Variants in TESK2 observed in about 807,000 individuals in gnomAD.
TESK2 encodes the protein dual specificity testis-specific protein kinase 2.
TESK2 carries 39 observed loss-of-function variants against 57.1 expected under a neutral mutation model. That is an observed-to-expected ratio of 0.68 (90% CI 0.53 to 0.89). The LOEUF is 0.89. TESK2 is among the 40% of genes least tolerant of loss of function. The pLI, the probability that TESK2 is intolerant of heterozygous loss-of-function variation, is 0.00. For missense variants in TESK2, 646 were observed against 732.1 expected, an observed-to-expected ratio of 0.88 and a Z score of 1.36; for synonymous variants, 249 against 267.9, an observed-to-expected ratio of 0.93 and a Z score of 0.69.
At chr1:45,365,743 A>G (rs1647887540) in intron 4 of TESK2, among the ~76,000 whole-genome samples, 2 of 145,584 alleles carry the variant, frequency 1.4e-5, no homozygotes, top group East Asian at 4.0e-4. Flanking sequence ...CAGTGGCGTA[A>G]TCTCAGCTCA....
intron 1 of TESK2, among the ~76,000 whole-genome samples, chr1:45,487,330 C>T (rs549084358): frequency 1.3e-5 from 2 of 152,254 alleles, no homozygotes; most frequent in African/African-American, 4.8e-5. Context: ...CAACAAGTGC[C>T]AAGGAACCAC....
rs74227008 is a variant in TESK2 at position 45,380,203 on chromosome 1, T to C, written c.393+5709A>G. Among the ~76,000 whole-genome samples the C allele has an allele frequency of 6.2e-4, 95 of 152,306 alleles. No individual in the cohort carries two copies. The East Asian group carries it at 0.013, about 22-fold the overall frequency. ...GCATGAGCCACTGCACCTGGCTGGA[T>C]AGTTTTCTTCATGGCAGAAAAGGCA... On this transcript the variant is annotated intron_variant, in intron 4 of 10. Transcript: ENST00000372086.
In TESK2 at chr1:45,442,287, A is replaced by T. The variant is rs570016276; in HGVS notation, c.222+15277T>A. On this transcript the variant is annotated intron_variant, in intron 2 of 10. Coordinates refer to ENST00000372086, the MANE Select transcript of TESK2 (RefSeq NM_007170.3). ...TTTTATGGTATGTGAATTATTTCTCACTAAAGCTTTTTTTTTTTTAAATTT... is the reference window on the plus strand; with the variant it reads ...TTTTATGGTATGTGAATTATTTCTCTCTAAAGCTTTTTTTTTTTTAAATTT... 2.9e-4 allele frequency among the ~76,000 whole-genome samples: 44 copies of T among 150,106 alleles called. No homozygotes were observed. The South Asian group carries it at 8.6e-3, about 29-fold the overall frequency.
intron 4 of TESK2, among the ~76,000 whole-genome samples, chr1:45,369,932 C>G (rs554005116): frequency 2.0e-5 from 3 of 152,074 alleles, no homozygotes; most frequent in Non-Finnish European, 4.4e-5. Flanking sequence ...AGGCTGGTCT[C>G]GAACTCCTGA....
chr1:45,382,125 A>G (rs1570670789), intron 4 of TESK2, among the ~76,000 whole-genome samples: 1 of 151,684 alleles, frequency 6.6e-6, no homozygotes, highest in South Asian at 2.1e-4. Flanking sequence ...TTCTGCCTCT[A>G]CCTCCTAAAA....
intron 1 of TESK2, among the ~76,000 whole-genome samples, chr1:45,472,279 C>T (rs546418464): frequency 2.7e-5 from 4 of 146,786 alleles, no homozygotes; most frequent in South Asian, 2.2e-4. Flanking sequence ...TGTTCAAGTC[C>T]GGGCACCGTG....
At chr1:45,441,948 GTTTTT>G (rs1476347499) in intron 2 of TESK2, among the ~76,000 whole-genome samples, 1 of 151,696 alleles carries the variant, frequency 6.6e-6, no homozygotes, top group East Asian at 1.9e-4. Context: ...GTTTTGTTTT[GTTTTT>G]GAGACAAGGT....
intron 1 of TESK2, among the ~76,000 whole-genome samples, chr1:45,458,298 C>A (rs1487853262): frequency 1.3e-5 from 2 of 152,202 alleles, no homozygotes; most frequent in Non-Finnish European, 2.9e-5. Flanking sequence ...GGTGCAGTGG[C>A]TCACGCCTGT....
intron 2 of TESK2, among the ~76,000 whole-genome samples, chr1:45,426,822 G>A (rs757114453): frequency 1.1e-4 from 16 of 151,972 alleles, no homozygotes; most frequent in African/African-American, 3.6e-4. Context: ...GAAGACATAC[G>A]AACAGCAAAC....
intron 4 of TESK2, 88 bp downstream of exon 4, chr1:45,385,824 G>C: frequency 1.1e-6 from 1 of 892,248 alleles, no homozygotes; most frequent in South Asian, 1.7e-5. Flanking sequence ...CATACATTTT[G>C]TTTACATATG....
intron 4 of TESK2, among the ~76,000 whole-genome samples, chr1:45,380,403 G>T (rs574232657): frequency 1.3e-5 from 2 of 151,978 alleles, no homozygotes; most frequent in African/African-American, 4.8e-5. Flanking sequence ...TGATTTTGAC[G>T]GTATTTCCTT....
intron 1 of TESK2, among the ~76,000 whole-genome samples, chr1:45,486,780 CAT>C (rs1261539828): frequency 2.5e-5 from 3 of 118,726 alleles, no homozygotes; most frequent in Admixed American, 1.9e-4. Context: ...AGCCTCCCAG[CAT>C]ACACACACAC....
chr1:45,461,314 C>T lies in TESK2; in HGVS notation c.-86-3443G>A, dbSNP rs142199845. ...ATTGCAGTGAGCTCAGATCACACCA[C>T]TACACTCCAACCTGGGTGACAGAGC... On this transcript the variant is annotated intron_variant, in intron 1 of 10. Transcript: ENST00000372086. Among the ~76,000 whole-genome samples, 155 of 152,242 alleles carry T rather than the reference C, an allele frequency of 1.0e-3. 1 individual carries two copies. In the East Asian group the frequency reaches 0.027, roughly 26 times the overall value.
rs1437852963 is a variant in TESK2, at chr1:45,457,836, A to G, written c.-51T>C. Reference sequence around the variant, plus strand: ...TTTTAAGAAGGAACTCCACACATAAATTTTTGTTGAATTTTACTTCTCTTC... The same window carrying G: ...TTTTAAGAAGGAACTCCACACATAAGTTTTTGTTGAATTTTACTTCTCTTC... On this transcript the variant is annotated 5_prime_UTR_variant, in exon 2 of 11. Coordinates refer to ENST00000372086, the MANE Select transcript of TESK2 (RefSeq NM_007170.3). The G allele has an allele frequency of 1.3e-6, 2 of 1,536,316 alleles. No homozygotes were observed. Among genetic ancestry groups the G allele is most frequent in the African/African-American group, 2.8e-5 (2 of 72,716 alleles).
intron 2 of TESK2, among the ~76,000 whole-genome samples, chr1:45,431,660 C>T (rs937252932): frequency 5.3e-5 from 8 of 152,186 alleles, no homozygotes; most frequent in Non-Finnish European, 2.9e-5. Flanking sequence ...GGATACTCAA[C>T]CTTTTACTGG....
chr1:45,485,580 A>G, intron 1 of TESK2, among the ~76,000 whole-genome samples: 1 of 149,234 alleles, frequency 6.7e-6, no homozygotes, highest in Admixed American at 6.7e-5. Context: ...GTACAGTGGC[A>G]TGATCTCGGC....
chr1:45,466,598 C>T (rs1386526619), intron 1 of TESK2, among the ~76,000 whole-genome samples: 1 of 151,092 alleles, frequency 6.6e-6, no homozygotes, highest in Non-Finnish European at 1.5e-5. Context: ...TGCAGTGAGC[C>T]ATGACCACAC....
rs1266543277 is a variant in TESK2 at position 45,385,894 on chromosome 1, C to T, written c.393+18G>A. On this transcript the variant is annotated intron_variant, in intron 4 of 10. Transcript: ENST00000372086. Reference sequence around the variant, plus strand: ...AACTAAGGCAAATACGTTACTTCAACACTTACTGATGTCTTACCTCTGTAA... The same window carrying T: ...AACTAAGGCAAATACGTTACTTCAATACTTACTGATGTCTTACCTCTGTAA... 2 of 1,588,006 alleles carry T rather than the reference C, an allele frequency of 1.3e-6. No homozygotes were observed. Among genetic ancestry groups the T allele is most frequent in the Non-Finnish European group, 1.7e-6 (2 of 1,162,002 alleles).
At chr1:45,368,254 C>T (rs564161707) in intron 4 of TESK2, among the ~76,000 whole-genome samples, 33 of 152,256 alleles carry the variant, frequency 2.2e-4, no homozygotes, top group Admixed American at 8.5e-4. Flanking sequence ...CTTGGCCTCC[C>T]GAAGTGCTGG....
Sources: gnomAD v4.1 joint callset for allele counts (sites outside exome capture counted in the v4.1 genomes callset) on GRCh38, gnomAD v4.1.1 for gene constraint, MANE v1.5 for transcripts, NCBI Gene and HGNC (gene_info 2026-07-23, HGNC 2026-07-21) for gene names.